Variants in HTR1F observed in about 807,000 individuals in gnomAD.
HTR1F encodes the protein 5-hydroxytryptamine receptor 1F, also known as 5-hydroxytryptamine (serotonin) receptor 1F, G protein-coupled.
A neutral mutation model predicts 24.0 loss-of-function variants in HTR1F; 17 were observed. The ratio of observed to expected loss-of-function variants is 0.71; its 90% CI spans 0.48 to 1.06. The LOEUF (loss-of-function observed/expected upper bound fraction) is 1.06. Ranked by LOEUF, HTR1F falls within the 50% of genes least tolerant of loss-of-function variation. HTR1F has a pLI of 0.00. For missense variants in HTR1F, 391 were observed against 427.8 expected (o/e 0.91, Z 0.76); for synonymous variants, 186 against 156.8 (o/e 1.19, Z -1.39).
chr3:87,962,107 T>A (rs1439490613), intron 2 of HTR1F, among the ~76,000 whole-genome samples: 1 of 152,080 alleles, frequency 6.6e-6, no homozygotes, highest in Non-Finnish European at 1.5e-5. Flanking sequence ...AAGATTTTTT[T>A]TAGTTTTCAA....
At chr3:87,962,440 C>G (rs912358152) in intron 2 of HTR1F, among the ~76,000 whole-genome samples, 4 of 151,720 alleles carry the variant, frequency 2.6e-5, no homozygotes, top group African/African-American at 9.7e-5. Flanking sequence ...AAAGATAAGC[C>G]GAGAGAAATT....
intron 2 of HTR1F, among the ~76,000 whole-genome samples, chr3:87,922,394 C>T (rs566288004): frequency 6.6e-6 from 1 of 151,466 alleles, no homozygotes; most frequent in South Asian, 2.1e-4. Context: ...GTTTAGGTTT[C>T]TTCTATATGG....
chr3:87,849,505 C>G (rs144593533), intron 2 of HTR1F, among the ~76,000 whole-genome samples: 1,670 of 151,964 alleles, frequency 0.011, 63 homozygotes, highest in African/African-American at 0.038. Flanking sequence ...CATAAAAACC[C>G]TATAAGAAAA....
intron 1 of HTR1F, among the ~76,000 whole-genome samples, chr3:87,816,624 T>C (rs1395798652): frequency 2.0e-5 from 3 of 152,082 alleles, no homozygotes; most frequent in Non-Finnish European, 4.4e-5. Flanking sequence ...TTTACTGGGA[T>C]TTTACAGCTC....
chr3:87,814,465 C>T, intron 1 of HTR1F, among the ~76,000 whole-genome samples: 1 of 152,216 alleles, frequency 6.6e-6, no homozygotes, highest in South Asian at 2.1e-4. Context: ...CCATGTTATA[C>T]AATAGAGCTC....
At chr3:87,852,804 T>C (rs1257099544) in intron 2 of HTR1F, among the ~76,000 whole-genome samples, 2 of 151,776 alleles carry the variant, frequency 1.3e-5, no homozygotes, top group African/African-American at 2.4e-5. Context: ...AGAAATTTGT[T>C]TTATGTGTTT....
intron 2 of HTR1F, among the ~76,000 whole-genome samples, chr3:87,875,802 T>A (rs1467415475): frequency 2.0e-5 from 3 of 151,588 alleles, no homozygotes; most frequent in Non-Finnish European, 4.4e-5. Context: ...TGGGTGCCTG[T>A]AGTCCCAGCT....
intron 2 of HTR1F, among the ~76,000 whole-genome samples, chr3:87,882,644 G>A (rs1179804271): frequency 2.1e-5 from 3 of 143,138 alleles, no homozygotes; most frequent in Non-Finnish European, 4.5e-5. Context: ...TCATAGGTGG[G>A]AATTGAACAA....
intron 2 of HTR1F, among the ~76,000 whole-genome samples, chr3:87,846,865 A>G (rs1017688198): frequency 1.3e-5 from 2 of 151,990 alleles, no homozygotes; most frequent in African/African-American, 4.8e-5. Context: ...ATAGTTTTAT[A>G]GAAATTTTCT....
chr3:87,987,733 T>A (rs1173005503), intron 2 of HTR1F, among the ~76,000 whole-genome samples: 3 of 131,908 alleles, frequency 2.3e-5, no homozygotes, highest in East Asian at 4.3e-4. Flanking sequence ...ATATATGTAT[T>A]TTATATATAT....
chr3:87,918,356 G>A (rs560529490), intron 2 of HTR1F, among the ~76,000 whole-genome samples: 1 of 152,158 alleles, frequency 6.6e-6, no homozygotes, highest in African/African-American at 2.4e-5. Context: ...CACAGTACTG[G>A]AAGTCCTAGC....
chr3:87,810,826 T>A (rs898132941), intron 1 of HTR1F, among the ~76,000 whole-genome samples: 17 of 152,182 alleles, frequency 1.1e-4, no homozygotes, highest in African/African-American at 4.1e-4. Context: ...TTGACACAGT[T>A]TATATTTCAT....
chr3:87,950,400 C>T (rs538310763), intron 2 of HTR1F, among the ~76,000 whole-genome samples: 87 of 152,218 alleles, frequency 5.7e-4, no homozygotes, highest in African/African-American at 2.0e-3. Flanking sequence ...AACTTAATTC[C>T]AAAATCTGGT....
chr3:87,903,899 C>A (rs1208845149), intron 2 of HTR1F, among the ~76,000 whole-genome samples: 3 of 151,992 alleles, frequency 2.0e-5, no homozygotes, highest in Admixed American at 6.6e-5. Flanking sequence ...TGATACACAG[C>A]TAAGAATTTC....
chr3:87,880,633 T>C (rs1480195060), intron 2 of HTR1F, among the ~76,000 whole-genome samples: 2 of 136,752 alleles, frequency 1.5e-5, no homozygotes, highest in Non-Finnish European at 1.5e-5. Flanking sequence ...CTACAAAATG[T>C]GTGTGTGTTT....
intron 2 of HTR1F, among the ~76,000 whole-genome samples, chr3:87,865,284 T>G (rs1705402690): frequency 6.6e-6 from 1 of 152,328 alleles, no homozygotes; most frequent in African/African-American, 2.4e-5. Context: ...TCTCTCTTGC[T>G]ATCAGATATT....
chr3:87,920,264 G>A (rs1438276744), intron 2 of HTR1F, among the ~76,000 whole-genome samples: 2 of 151,756 alleles, frequency 1.3e-5, no homozygotes, highest in East Asian at 1.9e-4. Flanking sequence ...GGGTGGGAAG[G>A]GGGTGAGGGA....
At chr3:87,924,790 C>T (rs1311829726) in intron 2 of HTR1F, among the ~76,000 whole-genome samples, 2 of 152,070 alleles carry the variant, frequency 1.3e-5, no homozygotes, top group Non-Finnish European at 2.9e-5. Flanking sequence ...GTTGCTATTT[C>T]TAGAATTCTC....
At chr3:87,973,064 G>T (rs569279567) in intron 2 of HTR1F, among the ~76,000 whole-genome samples, 148 of 151,918 alleles carry the variant, frequency 9.7e-4, no homozygotes, top group African/African-American at 3.5e-3. Flanking sequence ...CCAGCTACTC[G>T]GGAAACTGAG....
Sources: gnomAD v4.1 joint callset for allele counts (sites outside exome capture counted in the v4.1 genomes callset) on GRCh38, gnomAD v4.1.1 for gene constraint, MANE v1.5 for transcripts, NCBI Gene and HGNC (gene_info 2026-07-23, HGNC 2026-07-21) for gene names.